DDX46: variants seen among roughly 807,000 people sequenced by gnomAD.
DDX46 encodes probable ATP-dependent RNA helicase DDX46.
Under a neutral mutation model 134.9 loss-of-function variants are expected in DDX46, and 30 were observed. The observed-to-expected ratio is 0.22, with a 90% confidence interval of 0.17 to 0.30. The LOEUF (loss-of-function observed/expected upper bound fraction) is 0.30, where lower values mean the gene tolerates loss of function less well. DDX46 is among the 10% of genes least tolerant of loss of function. The pLI, the probability that DDX46 is intolerant of heterozygous loss-of-function variation, is 1.00. For missense variants in DDX46, 622 were observed against 1,248.7 expected (o/e 0.50, Z 7.56); for synonymous variants, 415 against 404.1 (o/e 1.03, Z -0.32).
intron 1 of DDX46, among the ~76,000 whole-genome samples, chr5:134,763,646 T>C (rs1753465549): frequency 6.6e-6 from 1 of 152,230 alleles, no homozygotes. Context: ...GAGTGTAAGC[T>C]GCCTGGAGCT....
At chr5:134,816,730 A>G in intron 19 of DDX46, 124 bp downstream of exon 19, 2 of 967,132 alleles carry the variant, frequency 2.1e-6, no homozygotes, top group Non-Finnish European at 3.0e-6. Context: ...AGAATTTAAC[A>G]TTCTCAATAC....
At chr5:134,826,584 C>T (rs533950064) in intron 21 of DDX46, 1 of 160,990 alleles carries the variant, frequency 6.2e-6, no homozygotes. Flanking sequence ...TCATAAATGT[C>T]TAATAAATAC....
intron 15 of DDX46, among the ~76,000 whole-genome samples, chr5:134,803,326 A>C (rs773295989): frequency 7.3e-5 from 11 of 151,470 alleles, no homozygotes; most frequent in Non-Finnish European, 1.3e-4. Flanking sequence ...TTTCATCCCA[A>C]CTGCTTAGAT....
intron 12 of DDX46, among the ~76,000 whole-genome samples, chr5:134,789,632 A>G (rs893982713): frequency 6.6e-6 from 1 of 151,720 alleles, no homozygotes; most frequent in Non-Finnish European, 1.5e-5. Flanking sequence ...TCCTCCTGAA[A>G]TTCATCTTGA....
At chr5:134,767,672 C>G (rs1753618583) in intron 3 of DDX46, among the ~76,000 whole-genome samples, 1 of 151,596 alleles carries the variant, frequency 6.6e-6, no homozygotes, top group African/African-American at 2.4e-5. Flanking sequence ...GAAATTAGGC[C>G]AGGCGCGGTG....
chr5:134,822,477 C>G (rs978515712), intron 21 of DDX46, among the ~76,000 whole-genome samples: 7 of 151,986 alleles, frequency 4.6e-5, no homozygotes, highest in African/African-American at 1.7e-4. Context: ...GGACCACAGG[C>G]CTGTGCCACC....
Position 134,817,678 on chromosome 5 carries a change from A to C in DDX46, c.2796A>C (p.Arg932Ser). Residue 932 changes from arginine to serine, a missense_variant, in exon 20 of 23, where the codon AGA becomes AGC. Physicochemically the swap from Arg to Ser is moderately radical, Grantham distance 110. Coordinates refer to ENST00000452510, the MANE Select transcript of DDX46 (RefSeq NM_001300860.2). ...QDGGQNESFKRYEEELEINDF... is the reference protein window; with the variant it reads ...QDGGQNESFKSYEEELEINDF... Reference sequence around the variant, plus strand: ...GTGGACAGAATGAATCTTTTAAGAGATATGAAGAAGAATTAGAGATCAATG... The same window carrying C: ...GTGGACAGAATGAATCTTTTAAGAGCTATGAAGAAGAATTAGAGATCAATG... 6.2e-7 allele frequency: 1 copy of C among 1,614,140 alleles called. No homozygotes were observed. The highest frequency in any genetic ancestry group is 8.5e-7 in the Non-Finnish European group (1 of 1,180,020).
At chr5:134,787,138 GGT>G (rs1674569036) in intron 11 of DDX46, among the ~76,000 whole-genome samples, 1 of 152,002 alleles carries the variant, frequency 6.6e-6, no homozygotes, top group Non-Finnish European at 1.5e-5. Flanking sequence ...TGCCCAGGCT[GGT>G]CTTGAATTCC....
intron 18 of DDX46, among the ~76,000 whole-genome samples, chr5:134,814,365 A>C (rs1456454650): frequency 1.3e-5 from 2 of 152,130 alleles, no homozygotes; most frequent in Non-Finnish European, 2.9e-5. Flanking sequence ...AAATACGGTG[A>C]TTGTTTCTTC....
intron 18 of DDX46, among the ~76,000 whole-genome samples, chr5:134,814,903 A>G (rs1471515268): frequency 2.0e-5 from 3 of 152,074 alleles, no homozygotes; most frequent in Non-Finnish European, 4.4e-5. Context: ...GGCAGGAGCC[A>G]CTGTGCGTGG....
At chr5:134,809,944 C>G (rs967175276) in intron 16 of DDX46, among the ~76,000 whole-genome samples, 4 of 152,142 alleles carry the variant, frequency 2.6e-5, no homozygotes, top group African/African-American at 9.7e-5. Context: ...ACCCGGGAGG[C>G]AGAGGTTGCG....
chr5:134,790,438 T>C, intron 12 of DDX46, 32 bp from the exon 13 acceptor site: 14 of 1,581,236 alleles, frequency 8.9e-6, no homozygotes, highest in Non-Finnish European at 1.2e-5. Flanking sequence ...TTTTTAGTTT[T>C]CTTTTTGTCT....
chr5:134,767,750 C>T lies in DDX46; in HGVS notation c.350+690C>T, dbSNP rs183953881. Among the ~76,000 whole-genome samples, 523 of 151,632 alleles carry T rather than the reference C, an allele frequency of 3.4e-3. 2 individuals are homozygous for T. Among genetic ancestry groups the T allele is most frequent in the Non-Finnish European group, 5.9e-3 (402 of 67,826 alleles). ...CGGATCACCTGAGGTTGGGAGTTGG[C>T]GACCAGCCTGACCATTGTGGATAAA... is the stretch of plus-strand genomic sequence containing the variant. On this transcript the variant is annotated intron_variant, in intron 3 of 22. Coordinates refer to ENST00000452510, the MANE Select transcript of DDX46 (RefSeq NM_001300860.2).
intron 3 of DDX46, 21 bp from the exon 4 acceptor site, chr5:134,770,882 T>G: frequency 1.9e-6 from 3 of 1,561,736 alleles, no homozygotes; most frequent in Non-Finnish European, 2.6e-6. Flanking sequence ...ATTTCTCTTG[T>G]CTCTTTTATT....
At position 134,816,501 on chromosome 5, in the gene DDX46, A is replaced by G. The variant is rs780933539; in HGVS notation, c.2508A>G (p.Ser836=). The part of the protein sequence containing the change: ...RVKDMAAPGT[S]SVPAPTAGNA... ...AGGATATGGCTGCTCCTGGAACATC[A>G]AGTGTTCCTGCTCCAACTGCAGGAA... The change falls in exon 19 of 23, where the codon TCA becomes TCG. Residue 836 remains serine, a synonymous_variant. Coordinates refer to ENST00000452510, the MANE Select transcript of DDX46 (RefSeq NM_001300860.2). The G allele has an allele frequency of 2.5e-6, 4 of 1,613,956 alleles. No homozygotes were observed. Among genetic ancestry groups the G allele is most frequent in the Non-Finnish European group, 3.4e-6 (4 of 1,179,888 alleles).
intron 15 of DDX46, among the ~76,000 whole-genome samples, chr5:134,801,103 G>T (rs1754814753): frequency 1.3e-5 from 2 of 152,088 alleles, no homozygotes; most frequent in Admixed American, 6.6e-5. Flanking sequence ...GGGCAGCATA[G>T]CAAGACCCCA....
At position 134,767,057 on chromosome 5, in the gene DDX46, A is replaced by ATAGGTAATGTTATCAT; in HGVS notation, c.349_350+14dup. 1 of 1,612,872 alleles carries ATAGGTAATGTTATCAT rather than the reference A, an allele frequency of 6.2e-7. No homozygotes were observed. The highest frequency in any genetic ancestry group is 8.5e-7 in the Non-Finnish European group (1 of 1,179,668). ...GGAAATAAAAGCAAGAAAACTGAGA[A>ATAGGTAATGTTATCAT]TAGGTAATGTTATCATTGGGCTGCA... On this transcript the variant is annotated stop_gained and frameshift_variant, in exon 3 of 23. Transcript: ENST00000452510. LOFTEE classifies it high-confidence loss of function.
At chr5:134,798,833 T>C (rs1754743497) in intron 15 of DDX46, among the ~76,000 whole-genome samples, 1 of 152,254 alleles carries the variant, frequency 6.6e-6, no homozygotes, top group Non-Finnish European at 1.5e-5. Flanking sequence ...GGCTGACTAA[T>C]ATTCCATTGT....
chr5:134,798,748 G>T (rs1428258419), intron 15 of DDX46, among the ~76,000 whole-genome samples: 1 of 152,072 alleles, frequency 6.6e-6, no homozygotes, highest in African/African-American at 2.4e-5. Flanking sequence ...GTCTTTTTGT[G>T]ACTGGTCTTT....
Sources: gnomAD v4.1 joint callset for allele counts (sites outside exome capture counted in the v4.1 genomes callset) on GRCh38, gnomAD v4.1.1 for gene constraint, MANE v1.5 for transcripts, NCBI Gene and HGNC (gene_info 2026-07-23, HGNC 2026-07-21) for gene names.